The following NRXN1 variants were observed in gnomAD, a reference collection of about 807,000 sequenced individuals.
NRXN1 encodes neurexin-1.
Under a neutral mutation model 150.9 loss-of-function variants are expected in NRXN1, and 39 were observed. The ratio of observed to expected loss-of-function variants is 0.26; its 90% CI spans 0.20 to 0.34. The LOEUF (loss-of-function observed/expected upper bound fraction) is 0.34. Among genes scored for constraint, NRXN1 ranks in the 10% least tolerant of loss-of-function variants. The pLI is 1.00. For synonymous variants in NRXN1, 924 were observed against 757.0 expected, an observed-to-expected ratio of 1.22 and a Z score of -3.62; for missense variants, 1,815 against 1,949.9, an observed-to-expected ratio of 0.93 and a Z score of 1.30.
At chr2:50,032,504 A>AT (rs1689326366) in intron 21 of NRXN1, among the ~76,000 whole-genome samples, 1 of 152,092 alleles carries the variant, frequency 6.6e-6, no homozygotes, top group South Asian at 2.1e-4. Flanking sequence ...TTGAGGTTGA[A>AT]TTTGCAGAAT....
At chr2:49,927,579 A>G (rs1669318616) in intron 22 of NRXN1, among the ~76,000 whole-genome samples, 1 of 152,242 alleles carries the variant, frequency 6.6e-6, no homozygotes, top group Admixed American at 6.5e-5. Flanking sequence ...TCCCTTTGCA[A>G]TGGTGACATC....
chr2:50,578,131 C>T (rs1671715817), intron 8 of NRXN1, among the ~76,000 whole-genome samples: 1 of 152,142 alleles, frequency 6.6e-6, no homozygotes, highest in Non-Finnish European at 1.5e-5. Flanking sequence ...GACACAACGG[C>T]CCTGAAAATC....
intron 18 of NRXN1, among the ~76,000 whole-genome samples, chr2:50,176,802 T>C (rs919917433): frequency 4.6e-5 from 7 of 152,100 alleles, no homozygotes; most frequent in Non-Finnish European, 1.0e-4. Flanking sequence ...AAATCACTGC[T>C]CTGGCTTGCT....
intron 17 of NRXN1, among the ~76,000 whole-genome samples, chr2:50,252,262 T>TTTTTTTTTTTTTTTTTTTC (rs2067197553): frequency 1.9e-5 from 1 of 53,198 alleles, no homozygotes; most frequent in Non-Finnish European, 4.1e-5. Flanking sequence ...TCTTTTCTTT[T>TTTTTTTTTTTTTTTTTTTC]TTTTTTTTTT....
In NRXN1 at chr2:50,475,818, T is replaced by C. The variant is rs1190035383; in HGVS notation, c.3071-3347A>G. On this transcript the variant is annotated intron_variant, in intron 15 of 22. Transcript: ENST00000401669. ...CTTTAGTGGTCTGAGCCCTGTGTAC[T>C]ATTATCACTTTATCAAAGATGCAGG... is the stretch of plus-strand genomic sequence containing the variant. Among the ~76,000 whole-genome samples, 3 of 151,896 alleles carry C rather than the reference T, an allele frequency of 2.0e-5. No homozygotes were observed. The East Asian group carries it at 5.8e-4, about 29-fold the overall frequency.
At chr2:50,422,263 C>G (rs182270456) in intron 17 of NRXN1, among the ~76,000 whole-genome samples, 3 of 152,172 alleles carry the variant, frequency 2.0e-5, no homozygotes, top group East Asian at 3.9e-4. Flanking sequence ...ACATGATAAT[C>G]AACATAATTT....
At chr2:50,635,467 C>A (rs374100656) in intron 5 of NRXN1, among the ~76,000 whole-genome samples, 3 of 152,112 alleles carry the variant, frequency 2.0e-5, no homozygotes, top group South Asian at 4.2e-4. Flanking sequence ...GCCACTGCGC[C>A]GAGCCAGATT....
At chr2:50,478,003 G>A (rs1411785150) in intron 15 of NRXN1, among the ~76,000 whole-genome samples, 3 of 152,100 alleles carry the variant, frequency 2.0e-5, no homozygotes, top group African/African-American at 7.2e-5. Flanking sequence ...TGCCTTTCGG[G>A]GAACAATCAA....
chr2:50,422,911 T>C (rs2084112290), intron 17 of NRXN1, among the ~76,000 whole-genome samples: 1 of 152,172 alleles, frequency 6.6e-6, no homozygotes, highest in Admixed American at 6.6e-5. Context: ...AAGTGCACTT[T>C]AACTTGTTGA....
At chr2:50,399,333 A>G (rs1414810570) in intron 17 of NRXN1, among the ~76,000 whole-genome samples, 1 of 152,124 alleles carries the variant, frequency 6.6e-6, no homozygotes, top group African/African-American at 2.4e-5. Flanking sequence ...ATTCTTGATC[A>G]ATATTTTCAA....
At chr2:49,928,563 G>A (rs1331289527) in intron 22 of NRXN1, among the ~76,000 whole-genome samples, 1 of 152,014 alleles carries the variant, frequency 6.6e-6, no homozygotes, top group Non-Finnish European at 1.5e-5. Flanking sequence ...AAGAAAATTG[G>A]AATTGTAGCC....
chr2:50,785,760 C>T (rs1705027985), intron 5 of NRXN1, among the ~76,000 whole-genome samples: 1 of 152,080 alleles, frequency 6.6e-6, no homozygotes, highest in Non-Finnish European at 1.5e-5. Flanking sequence ...CAGGATGAAG[C>T]AGAAGTCACG....
intron 17 of NRXN1, among the ~76,000 whole-genome samples, chr2:50,303,560 G>C (rs75426190): frequency 6.6e-5 from 10 of 152,136 alleles, no homozygotes; most frequent in African/African-American, 2.2e-4. Context: ...CTCTGATTGA[G>C]AGCACTTTGA....
chr2:50,630,380 C>T (rs1300418474), intron 5 of NRXN1, among the ~76,000 whole-genome samples: 1 of 151,644 alleles, frequency 6.6e-6, no homozygotes, highest in African/African-American at 2.4e-5. Flanking sequence ...TAAATGACTT[C>T]CTAAGTTCAC....
intron 17 of NRXN1, among the ~76,000 whole-genome samples, chr2:50,450,310 C>A (rs564092484): frequency 6.6e-6 from 1 of 151,994 alleles, no homozygotes; most frequent in Non-Finnish European, 1.5e-5. Flanking sequence ...TTGCAGCACA[C>A]AATGAGCACT....
intron 17 of NRXN1, among the ~76,000 whole-genome samples, chr2:50,431,922 A>C (rs757277603): frequency 1.3e-5 from 2 of 152,180 alleles, no homozygotes; most frequent in African/African-American, 4.8e-5. Context: ...CAATTGTTGA[A>C]TCCTATAAGA....
chr2:50,649,375 T>C lies in NRXN1; in HGVS notation c.833-25760A>G, dbSNP rs72885659. On this transcript the variant is annotated intron_variant, in intron 5 of 22. Transcript: ENST00000401669. ...TTTAGGCAGTTATCTATAGACATTG[T>C]CATAGAAATGCTTCCAGATTACAGT... Among the ~76,000 whole-genome samples, 764 of 152,014 alleles carry C rather than the reference T, an allele frequency of 5.0e-3. 9 individuals carry two copies. Among genetic ancestry groups the C allele is most frequent in the African/African-American group, 0.017 (724 of 41,498 alleles).
At chr2:49,995,208 T>C (rs544047773) in intron 21 of NRXN1, among the ~76,000 whole-genome samples, 1 of 152,216 alleles carries the variant, frequency 6.6e-6, no homozygotes, top group East Asian at 1.9e-4. Flanking sequence ...AGGAGAAAAA[T>C]GAGAGAAAGG....
At chr2:50,545,307 C>T (rs1042468291) in intron 9 of NRXN1, among the ~76,000 whole-genome samples, 2 of 152,266 alleles carry the variant, frequency 1.3e-5, no homozygotes, top group Admixed American at 1.3e-4. Flanking sequence ...CATGATCATA[C>T]ACAATGGAAG....
Sources: gnomAD v4.1 joint callset for allele counts (sites outside exome capture counted in the v4.1 genomes callset) on GRCh38, gnomAD v4.1.1 for gene constraint, MANE v1.5 for transcripts, NCBI Gene and HGNC (gene_info 2026-07-23, HGNC 2026-07-21) for gene names.